The following ADAMTS18 variants were observed in gnomAD, a reference collection of about 807,000 sequenced individuals.
ADAMTS18 encodes A disintegrin and metalloproteinase with thrombospondin motifs 18.
ADAMTS18 carries 157 observed loss-of-function variants against 165.9 expected under a neutral mutation model. The observed-to-expected ratio is 0.95, with a 90% confidence interval of 0.83 to 1.08. The LOEUF (loss-of-function observed/expected upper bound fraction) is 1.08. ADAMTS18 is among the 50% of genes least tolerant of loss of function. ADAMTS18 has a pLI of 0.00. For synonymous variants in ADAMTS18, 782 were observed against 578.2 expected (o/e 1.35, Z -5.06); for missense variants, 2,040 against 1,534.0 (o/e 1.33, Z -5.51).
At position 77,431,595 on chromosome 16, in the gene ADAMTS18, C is replaced by T. The variant is rs781013915; in HGVS notation, c.195G>A (p.Thr65=). 7 of 1,613,888 alleles carry T rather than the reference C, an allele frequency of 4.3e-6. No homozygotes were observed. The highest frequency in any genetic ancestry group is 2.7e-5 in the African/African-American group (2 of 74,898). ...SGLNDDYVFV[T]PVEVDSAGSY... ...ACCCGGCTGAGTCTACTTCTACTGGCGTGACAAAGACGTAATCTGCAATGG... is the reference window on the plus strand; with the variant it reads ...ACCCGGCTGAGTCTACTTCTACTGGTGTGACAAAGACGTAATCTGCAATGG... Residue 65 remains threonine, a synonymous_variant, in exon 3 of 23, where the codon ACG becomes ACA. Coordinates refer to ENST00000282849, the MANE Select transcript of ADAMTS18 (RefSeq NM_199355.4).
chr16:77,372,646 T>A (rs562232544), intron 3 of ADAMTS18, among the ~76,000 whole-genome samples: 2 of 152,268 alleles, frequency 1.3e-5, no homozygotes, highest in South Asian at 2.1e-4. Context: ...TTATGAAGAT[T>A]ATGGGACAAG....
intron 10 of ADAMTS18, among the ~76,000 whole-genome samples, chr16:77,346,452 TAAG>T (rs2056478012): frequency 6.6e-6 from 1 of 152,108 alleles, no homozygotes; most frequent in Non-Finnish European, 1.5e-5. Context: ...CTGGAATTTT[TAAG>T]AGCTTTCAAG....
intron 13 of ADAMTS18, among the ~76,000 whole-genome samples, chr16:77,323,401 G>A (rs1037291978): frequency 1.1e-4 from 16 of 152,128 alleles, no homozygotes; most frequent in East Asian, 3.9e-4. Context: ...ATGCACATGC[G>A]TGGGTGGGTT....
At chr16:77,376,749 A>G (rs1164337529) in intron 3 of ADAMTS18, among the ~76,000 whole-genome samples, 2 of 152,082 alleles carry the variant, frequency 1.3e-5, no homozygotes, top group Non-Finnish European at 2.9e-5. Context: ...TGAGAAAAAA[A>G]CAAGTGTTTT....
At chr16:77,344,728 G>C (rs1397130489) in intron 10 of ADAMTS18, among the ~76,000 whole-genome samples, 1 of 130,938 alleles carries the variant, frequency 7.6e-6, no homozygotes, top group Non-Finnish European at 1.6e-5. Flanking sequence ...AGAGAACCAG[G>C]AAAACAAAGC....
intron 16 of ADAMTS18, among the ~76,000 whole-genome samples, chr16:77,300,740 C>G (rs185863626): frequency 6.6e-6 from 1 of 152,134 alleles, no homozygotes; most frequent in Non-Finnish European, 1.5e-5. Context: ...AAAGGTTATA[C>G]TGTTGGGTCT....
intron 12 of ADAMTS18, among the ~76,000 whole-genome samples, chr16:77,332,575 G>C (rs1368499758): frequency 1.3e-5 from 2 of 152,144 alleles, no homozygotes; most frequent in African/African-American, 4.8e-5. Context: ...TTTAGAAGTG[G>C]CAGACACAGG....
chr16:77,425,163 T>C (rs955120024), intron 3 of ADAMTS18, among the ~76,000 whole-genome samples: 1 of 152,140 alleles, frequency 6.6e-6, no homozygotes, highest in African/African-American at 2.4e-5. Context: ...ACTGCAGTCA[T>C]AGTCTAAAAA....
intron 16 of ADAMTS18, among the ~76,000 whole-genome samples, chr16:77,304,693 G>C (rs1020748068): frequency 2.0e-5 from 3 of 152,196 alleles, no homozygotes; most frequent in Non-Finnish European, 4.4e-5. Context: ...CAAAACTCAT[G>C]TATCTGGCCA....
At chr16:77,386,594 C>T (rs1277419700) in intron 3 of ADAMTS18, among the ~76,000 whole-genome samples, 1 of 152,118 alleles carries the variant, frequency 6.6e-6, no homozygotes, top group Non-Finnish European at 1.5e-5. Context: ...CTTCTGCATC[C>T]CTCATTATAT....
At chr16:77,341,073 G>C (rs1209246625) in intron 11 of ADAMTS18, among the ~76,000 whole-genome samples, 1 of 152,062 alleles carries the variant, frequency 6.6e-6, no homozygotes, top group Non-Finnish European at 1.5e-5. Flanking sequence ...CCTCCCTCCA[G>C]ACTCTATTGA....
intron 16 of ADAMTS18, among the ~76,000 whole-genome samples, chr16:77,313,834 A>C (rs767644124): frequency 6.6e-6 from 1 of 152,234 alleles, no homozygotes; most frequent in Non-Finnish European, 1.5e-5. Flanking sequence ...CTCAAAAGAA[A>C]AAGAAGTCTG....
intron 3 of ADAMTS18, among the ~76,000 whole-genome samples, chr16:77,414,248 A>C (rs563512033): frequency 6.6e-6 from 1 of 152,290 alleles, no homozygotes; most frequent in African/African-American, 2.4e-5. Context: ...CTATTACTCA[A>C]CCTGTTTGCT....
chr16:77,357,417 C>A (rs1419955287), intron 8 of ADAMTS18, among the ~76,000 whole-genome samples: 1 of 152,118 alleles, frequency 6.6e-6, no homozygotes. Context: ...ATTTTCTTAT[C>A]CTCAGCTTTT....
rs779903031 is a variant in ADAMTS18 at position 77,334,850 on chromosome 16, A to ACT, written c.1859+905_1859+906insAG. On this transcript the variant is annotated intron_variant, in intron 12 of 22. Coordinates refer to ENST00000282849, the MANE Select transcript of ADAMTS18 (RefSeq NM_199355.4). ...ATATACTATAGTATACAGTATATATAATATACTATAATGTACAGTATATGC... is the reference window on the plus strand; with the variant it reads ...ATATACTATAGTATACAGTATATATACTATATACTATAATGTACAGTATATGC... Among the ~76,000 whole-genome samples, 540 of 126,466 alleles carry ACT rather than the reference A, an allele frequency of 4.3e-3. 12 individuals carry two copies. The highest frequency in any genetic ancestry group is 0.016 in the African/African-American group (517 of 32,578). The allele number at this position is 126,466 out of a possible 152,430, so 83.0% of individuals were successfully genotyped here. A position where few individuals can be genotyped will look rare whatever the true frequency, so the allele number is the denominator to read the frequency against.
chr16:77,369,430 G>A (rs959065742), intron 3 of ADAMTS18, among the ~76,000 whole-genome samples: 4 of 152,050 alleles, frequency 2.6e-5, no homozygotes, highest in Admixed American at 6.5e-5. Context: ...GCAATATTAA[G>A]TTGGGTTATT....
At chr16:77,346,288 C>G (rs537655828) in intron 10 of ADAMTS18, among the ~76,000 whole-genome samples, 129 of 152,192 alleles carry the variant, frequency 8.5e-4, no homozygotes, top group African/African-American at 3.0e-3. Flanking sequence ...TTTTCTCCCC[C>G]ACTAGCCACG....
intron 3 of ADAMTS18, among the ~76,000 whole-genome samples, chr16:77,410,074 G>A (rs971259731): frequency 6.6e-6 from 1 of 151,866 alleles, no homozygotes; most frequent in Non-Finnish European, 1.5e-5. Context: ...AAAAGCCATG[G>A]CTAAGAATTA....
At position 77,300,345 on chromosome 16, in the gene ADAMTS18, C is replaced by T. The variant is rs1293402616; in HGVS notation, c.2592G>A (p.Met864Ile). 3.0e-5 allele frequency: 49 copies of T among 1,613,884 alleles called. No individual in the cohort carries two copies. Among genetic ancestry groups the T allele is most frequent in the Non-Finnish European group, 4.2e-5 (49 of 1,179,972 alleles). The change falls in exon 17 of 23, where the codon ATG becomes ATA. Residue 864 changes from methionine (M) to isoleucine (I), a missense_variant. Met to Ile is a conservative substitution (Grantham distance 10). Transcript: ENST00000282849. ...IAWKYALPKVMNGTPPATKRP... is the reference protein window; with the variant it reads ...IAWKYALPKVINGTPPATKRP... ...TTTTTGTGGCTGGTGGAGTTCCATT[C>T]ATGACCTTGGGAAGTGCATACTTCC...
Sources: gnomAD v4.1 joint callset for allele counts (sites outside exome capture counted in the v4.1 genomes callset) on GRCh38, gnomAD v4.1.1 for gene constraint, MANE v1.5 for transcripts, NCBI Gene and HGNC (gene_info 2026-07-23, HGNC 2026-07-21) for gene names.